The following DLG5 variants were observed in gnomAD, a reference collection of about 807,000 sequenced individuals.
DLG5 encodes discs large MAGUK scaffold protein 5.
A neutral mutation model predicts 189.8 loss-of-function variants in DLG5; 48 were observed. The ratio of observed to expected loss-of-function variants is 0.25; its 90% CI spans 0.20 to 0.32. The LOEUF is 0.32. Ranked by LOEUF, DLG5 falls within the 10% of genes least tolerant of loss-of-function variation. The pLI, the probability that DLG5 is intolerant of heterozygous loss-of-function variation, is 1.00. For missense variants in DLG5, 2,160 were observed against 2,544.7 expected (o/e 0.85, Z 3.25); for synonymous variants, 1,016 against 1,054.1 (o/e 0.96, Z 0.70).
intron 27 of DLG5, among the ~76,000 whole-genome samples, chr10:77,801,058 G>GA (rs1841178986): frequency 6.6e-6 from 1 of 152,300 alleles, no homozygotes; most frequent in South Asian, 2.1e-4. Context: ...TCGGAGCCCT[G>GA]AAAATCCCCT....
intron 1 of DLG5, among the ~76,000 whole-genome samples, chr10:77,891,790 G>A (rs1339893823): frequency 1.3e-5 from 2 of 152,192 alleles, no homozygotes; most frequent in Admixed American, 6.5e-5. Context: ...GCTGAGGGCT[G>A]GTGTGCTGAA....
At chr10:77,837,087 T>C (rs1389350357) in intron 7 of DLG5, among the ~76,000 whole-genome samples, 1 of 151,608 alleles carries the variant, frequency 6.6e-6, no homozygotes, top group Non-Finnish European at 1.5e-5. Flanking sequence ...TGGTGGCATG[T>C]GCCTGTGGTC....
intron 1 of DLG5, among the ~76,000 whole-genome samples, chr10:77,900,538 G>A (rs1317095275): frequency 2.0e-5 from 3 of 152,214 alleles, no homozygotes; most frequent in Non-Finnish European, 2.9e-5. Context: ...GGTGGCTCAC[G>A]CCTGTAATCC....
At chr10:77,845,944 A>AAG (rs1406727586) in intron 5 of DLG5, among the ~76,000 whole-genome samples, 1 of 150,678 alleles carries the variant, frequency 6.6e-6, no homozygotes, top group African/African-American at 2.4e-5. Flanking sequence ...TAAAAAAAAA[A>AAG]AAAAAAAAAA....
chr10:77,830,084 A>G (rs981533262), intron 11 of DLG5, 133 bp downstream of exon 11: 6 of 1,096,352 alleles, frequency 5.5e-6, no homozygotes, highest in Non-Finnish European at 7.9e-6. Context: ...CTGAGACTGC[A>G]GGCCTTGGAC....
At chr10:77,846,275 G>A (rs1177222602) in intron 5 of DLG5, among the ~76,000 whole-genome samples, 4 of 152,196 alleles carry the variant, frequency 2.6e-5, no homozygotes, top group Non-Finnish European at 5.9e-5. Context: ...GGCTCACCAT[G>A]ACTATACTGG....
chr10:77,904,856 C>T (rs974487050), intron 1 of DLG5, among the ~76,000 whole-genome samples: 16 of 149,722 alleles, frequency 1.1e-4, no homozygotes, highest in Non-Finnish European at 1.5e-4. Context: ...CGGCCGGGCG[C>T]GGTGGCTCAG....
rs938022181 is a variant in DLG5, at chr10:77,796,051, C to T, written c.5436+10G>A. On this transcript the variant is annotated intron_variant, in intron 29 of 31. Transcript: ENST00000372391. The surrounding 1 kb of genome is among the most constrained non-coding windows in gnomAD (Gnocchi z 5.2). Reference sequence around the variant, plus strand: ...TGGATGCCTAATCCTCAGACTGAAGCCCTGGGTACCTTTTCTGTGATCTCC... The same window carrying T: ...TGGATGCCTAATCCTCAGACTGAAGTCCTGGGTACCTTTTCTGTGATCTCC... The T allele has an allele frequency of 3.1e-6, 5 of 1,614,058 alleles. No homozygotes were observed. The highest frequency in any genetic ancestry group is 2.7e-5 in the African/African-American group (2 of 74,936).
chr10:77,934,423 G>A, the DLG5 span, among the ~76,000 whole-genome samples: 1 of 151,616 alleles, frequency 6.6e-6, no homozygotes, highest in African/African-American at 2.4e-5. Context: ...AGTAAAATAG[G>A]GAGAGTATCC....
intron 1 of DLG5, among the ~76,000 whole-genome samples, chr10:77,882,533 T>C (rs1028861051): frequency 2.6e-5 from 4 of 152,142 alleles, no homozygotes; most frequent in Non-Finnish European, 5.9e-5. Flanking sequence ...GCCTCTTCTC[T>C]TCCACAAACT....
In DLG5 at chr10:77,796,363, AC is replaced by A; in HGVS notation, c.5308+87del. ...GTGAAATCTGCCCCCCGGTACTGCCACCCACTGTGCACAGCTGGGCAGGCAG... is the reference window on the plus strand; with the variant it reads ...GTGAAATCTGCCCCCCGGTACTGCCACCACTGTGCACAGCTGGGCAGGCAG... On this transcript the variant is annotated intron_variant, in intron 28 of 31. Coordinates refer to ENST00000372391, the MANE Select transcript of DLG5 (RefSeq NM_004747.4). The surrounding 1 kb of genome is among the most constrained non-coding windows in gnomAD (Gnocchi z 5.2). The A allele has an allele frequency of 6.2e-7, 1 of 1,600,620 alleles. No individual in the cohort carries two copies. Among genetic ancestry groups the A allele is most frequent in the Non-Finnish European group, 8.5e-7 (1 of 1,170,560 alleles).
chr10:77,810,647 A>C (rs1015661935), intron 23 of DLG5, among the ~76,000 whole-genome samples: 69 of 151,764 alleles, frequency 4.5e-4, no homozygotes, highest in Non-Finnish European at 1.8e-4. Flanking sequence ...CCCCTGCCAC[A>C]CTCCAGTGAT....
intron 1 of DLG5, among the ~76,000 whole-genome samples, chr10:77,872,930 G>A (rs946876080): frequency 1.3e-5 from 2 of 151,978 alleles, no homozygotes; most frequent in African/African-American, 4.8e-5. Flanking sequence ...ATGGGCTGCT[G>A]TGGAAGGAGA....
chr10:77,840,899 G>A (rs1312636289), intron 7 of DLG5, among the ~76,000 whole-genome samples: 2 of 152,144 alleles, frequency 1.3e-5, no homozygotes, highest in Non-Finnish European at 2.9e-5. Context: ...GGCATCACCT[G>A]CCTCACACTT....
At chr10:77,922,151 C>A (rs1157955371) in intron 1 of DLG5, among the ~76,000 whole-genome samples, 1 of 152,200 alleles carries the variant, frequency 6.6e-6, no homozygotes, top group African/African-American at 2.4e-5. Context: ...TGCACCCCGG[C>A]CCCTGTCTAC....
At chr10:77,913,914 A>C (rs953982862) in intron 1 of DLG5, among the ~76,000 whole-genome samples, 9 of 152,102 alleles carry the variant, frequency 5.9e-5, no homozygotes, top group African/African-American at 1.7e-4. Context: ...TAGAATTTTA[A>C]AAGGAAGAAA....
Position 77,821,244 on chromosome 10 carries a change from T to C in DLG5, c.3240A>G (p.Glu1080=). The change falls in exon 15 of 32, where the codon GAA becomes GAG. Residue 1080 remains glutamate (E), a synonymous_variant. Transcript: ENST00000372391. ...GCAGGTGGGAGGAGTCCCCATCTCCTTCAGGGTAGTAGCTGGAAGCAATGC... is the reference window on the plus strand; with the variant it reads ...GCAGGTGGGAGGAGTCCCCATCTCCCTCAGGGTAGTAGCTGGAAGCAATGC... The part of the protein sequence containing the change: ...RVRIASSYYP[E]GDGDSSHLPA... The C allele has an allele frequency of 6.2e-7, 1 of 1,614,036 alleles. No homozygotes were observed.
At chr10:77,905,338 A>T (rs1846043173) in intron 1 of DLG5, among the ~76,000 whole-genome samples, 1 of 152,062 alleles carries the variant, frequency 6.6e-6, no homozygotes, top group Admixed American at 6.5e-5. Context: ...AGCTCAATAA[A>T]CACGTGGAAT....
intron 5 of DLG5, among the ~76,000 whole-genome samples, chr10:77,851,882 C>A (rs967907115): frequency 6.6e-6 from 1 of 152,140 alleles, no homozygotes; most frequent in Non-Finnish European, 1.5e-5. Context: ...GGCAGGTCGC[C>A]CCAGAGGGGA....
Sources: gnomAD v4.1 joint callset for allele counts (sites outside exome capture counted in the v4.1 genomes callset) on GRCh38, gnomAD v4.1.1 for gene constraint, Gnocchi (gnomAD v3.1) non-coding constraint, MANE v1.5 for transcripts, NCBI Gene and HGNC (gene_info 2026-07-23, HGNC 2026-07-21) for gene names.